The following NBAS variants were observed in gnomAD, a reference collection of about 807,000 sequenced individuals.
The protein encoded by NBAS is NAG/BC035112 fusion.
A neutral mutation model predicts 302.5 loss-of-function variants in NBAS; 219 were observed. The ratio of observed to expected loss-of-function variants is 0.72; its 90% confidence interval spans 0.65 to 0.81. The LOEUF is 0.81. Ranked by LOEUF, NBAS falls within the 30% of genes least tolerant of loss-of-function variation. NBAS has a pLI of 0.00. For missense variants in NBAS, 2,932 were observed against 2,841.6 expected, an observed-to-expected ratio of 1.03 and a Z score of -0.72; for synonymous variants, 1,118 against 1,021.6, an observed-to-expected ratio of 1.09 and a Z score of -1.80.
chr2:15,539,807 T>C (rs759128280), intron 6 of NBAS, among the ~76,000 whole-genome samples: 6 of 151,972 alleles, frequency 3.9e-5, no homozygotes, highest in African/African-American at 7.3e-5. Flanking sequence ...AAGATACAAA[T>C]TGGGACTATG....
the NBAS span, among the ~76,000 whole-genome samples, chr2:14,884,816 C>T: frequency 2.6e-5 from 4 of 152,140 alleles, no homozygotes; most frequent in African/African-American, 7.2e-5. Flanking sequence ...GGAATGTAAT[C>T]GAGGAAGCTC....
chr2:15,143,192 T>A, the NBAS span, among the ~76,000 whole-genome samples: 90 of 152,292 alleles, frequency 5.9e-4, no homozygotes, highest in East Asian at 0.017. Flanking sequence ...TTTCTACAAT[T>A]CTTTATCTCA....
chr2:15,357,234 A>G (rs1274770206), intron 32 of NBAS, among the ~76,000 whole-genome samples: 1 of 152,168 alleles, frequency 6.6e-6, no homozygotes, highest in African/African-American at 2.4e-5. Context: ...AACTCAATGG[A>G]AACAGTAAAA....
chr2:15,098,577 T>TATATTAC, the NBAS span, among the ~76,000 whole-genome samples: 1 of 102,288 alleles, frequency 9.8e-6, no homozygotes, highest in African/African-American at 4.3e-5. Context: ...TTGTATATAA[T>TATATTAC]GTATTATATA....
At chr2:15,109,504 T>C in the NBAS span, among the ~76,000 whole-genome samples, 142 of 152,248 alleles carry the variant, frequency 9.3e-4, no homozygotes, top group East Asian at 7.7e-3. Flanking sequence ...ATTTTAAAAA[T>C]AGTCAGTTCT....
chr2:15,446,236 G>C (rs144243336), intron 21 of NBAS, among the ~76,000 whole-genome samples: 1 of 152,072 alleles, frequency 6.6e-6, no homozygotes. Context: ...ACTCAAAGAA[G>C]AACACACCAA....
chr2:15,219,645 G>A (rs907542848), intron 47 of NBAS, among the ~76,000 whole-genome samples: 6 of 139,040 alleles, frequency 4.3e-5, no homozygotes, highest in Admixed American at 1.5e-4. Context: ...TTGGGGATAA[G>A]GTCACAGATC....
chr2:15,114,868 C>T, the NBAS span, among the ~76,000 whole-genome samples: 2 of 152,102 alleles, frequency 1.3e-5, 1 homozygote, highest in South Asian at 4.2e-4. Context: ...GGAAGATAAA[C>T]ATATTATGAT....
rs1333188832 is a variant in NBAS, at chr2:15,188,260, A to T, written c.6573-1380T>A. On this transcript the variant is annotated intron_variant, in intron 49 of 51. Coordinates refer to ENST00000281513, the MANE Select transcript of NBAS (RefSeq NM_015909.4). The stretch of plus-strand genomic sequence containing the variant: ...AAGCTAAAAAACCAAAGTTGGTACT[A>T]GTAAATTATAGTCATGTGGATCAAA... Among the ~76,000 whole-genome samples, 5 of 152,238 alleles carry T rather than the reference A, an allele frequency of 3.3e-5. No individual in the cohort carries two copies. The East Asian group carries it at 9.6e-4, about 29-fold the overall frequency.
the NBAS span, among the ~76,000 whole-genome samples, chr2:14,783,052 C>T: frequency 6.6e-6 from 1 of 152,024 alleles, no homozygotes; most frequent in African/African-American, 2.4e-5. Context: ...ACAACAAACC[C>T]TTGTGAGAAA....
intron 3 of NBAS, among the ~76,000 whole-genome samples, chr2:15,555,399 T>C (rs1175580277): frequency 6.6e-6 from 1 of 152,020 alleles, no homozygotes; most frequent in Non-Finnish European, 1.5e-5. Flanking sequence ...TATATGAGGA[T>C]GATAATTTCC....
chr2:14,837,410 G>C, the NBAS span, among the ~76,000 whole-genome samples: 3 of 151,862 alleles, frequency 2.0e-5, no homozygotes, highest in African/African-American at 7.2e-5. Flanking sequence ...ACCCTTGTCT[G>C]ATTTTGCTAT....
the NBAS span, among the ~76,000 whole-genome samples, chr2:14,996,276 T>C: frequency 3.3e-5 from 5 of 152,130 alleles, no homozygotes; most frequent in Non-Finnish European, 5.9e-5. Flanking sequence ...AGACTTTTCA[T>C]ATATATTGGC....
intron 50 of NBAS, chr2:15,179,527 C>G (rs1247928455): frequency 5.0e-6 from 1 of 199,026 alleles, no homozygotes; most frequent in Admixed American, 5.3e-5. Flanking sequence ...ATGAACGCAG[C>G]ATACAACGCT....
rs576329599 is a variant in NBAS, at chr2:15,418,829, C to T, written c.2578-1117G>A. ...AGAAAGACGGCTAGAGTAGGAGGGA[C>T]GGGCCGGATCATGAATGCTGTGTGT... On this transcript the variant is annotated intron_variant, in intron 23 of 51. Coordinates refer to ENST00000281513, the MANE Select transcript of NBAS (RefSeq NM_015909.4). Among the ~76,000 whole-genome samples the T allele has an allele frequency of 1.9e-3, 286 of 152,204 alleles. 1 individual carries two copies. Among genetic ancestry groups the T allele is most frequent in the Admixed American group, 3.3e-3 (50 of 15,270 alleles).
chr2:15,477,547 C>T (rs377660667), intron 13 of NBAS, among the ~76,000 whole-genome samples: 6 of 152,134 alleles, frequency 3.9e-5, no homozygotes, highest in Admixed American at 6.5e-5. Flanking sequence ...CCACCGCGCC[C>T]GGCATAAAAG....
chr2:15,292,750 A>C lies in NBAS; in HGVS notation c.4814T>G (p.Leu1605Arg), dbSNP rs1670367967. 6 of 1,614,222 alleles carry C rather than the reference A, an allele frequency of 3.7e-6. No homozygotes were observed. Among genetic ancestry groups the C allele is most frequent in the Non-Finnish European group, 5.1e-6 (6 of 1,180,046 alleles). Residue 1605 changes from leucine (L) to arginine (R), a missense_variant, in exon 41 of 52, where the codon CTA (leucine) becomes CGA (arginine). Coordinates refer to ENST00000281513, the MANE Select transcript of NBAS (RefSeq NM_015909.4). The part of the protein sequence containing the change: ...HPLYRADPKE[L>R]IKMVTRHVTR... Reference sequence around the variant, plus strand: ...CACATGCCTGGTGACCATCTTGATTAGTTCTTTGGGATCAGCCTATGAAAG... The same window carrying C: ...CACATGCCTGGTGACCATCTTGATTCGTTCTTTGGGATCAGCCTATGAAAG...
chr2:15,464,657 A>G (rs1400486613), intron 19 of NBAS, among the ~76,000 whole-genome samples: 3 of 151,962 alleles, frequency 2.0e-5, no homozygotes, highest in Admixed American at 2.0e-4. Context: ...TCACAGTAAA[A>G]CTTCTTGAAA....
chr2:14,824,455 A>G, the NBAS span, among the ~76,000 whole-genome samples: 2 of 152,194 alleles, frequency 1.3e-5, no homozygotes, highest in South Asian at 2.1e-4. Context: ...TAGGAGTCCA[A>G]TAAATATTTG....
Sources: allele counts gnomAD v4.1 joint callset (sites outside exome capture counted in the v4.1 genomes callset), GRCh38; gene constraint gnomAD v4.1.1; transcripts MANE v1.5; gene names NCBI Gene and HGNC (gene_info 2026-07-23, HGNC 2026-07-21).